The following ROBO1 variants were observed in gnomAD, a reference collection of about 807,000 sequenced individuals.
ROBO1 encodes the protein roundabout homolog 1.
Under a neutral mutation model 195.9 loss-of-function variants are expected in ROBO1, and 149 were observed. That is an observed-to-expected ratio of 0.76 (90% CI 0.67 to 0.87). ROBO1 has a LOEUF of 0.87. ROBO1 is among the 40% of genes least tolerant of loss of function. The probability of loss-of-function intolerance (pLI) is 0.00; values close to 1 mark genes in which losing one functional copy is unlikely to be tolerated. For missense variants in ROBO1, 1,933 were observed against 2,068.3 expected (o/e 0.93, Z 1.27); for synonymous variants, 816 against 733.2 (o/e 1.11, Z -1.82).
intron 4 of ROBO1, among the ~76,000 whole-genome samples, chr3:78,792,514 T>C (rs894678635): frequency 2.6e-5 from 4 of 152,126 alleles, no homozygotes; most frequent in African/African-American, 9.7e-5. Context: ...CAATAGCAAG[T>C]AGAAAGCTAT....
chr3:79,568,429 T>C (rs1227655951), intron 2 of ROBO1, among the ~76,000 whole-genome samples: 1 of 151,660 alleles, frequency 6.6e-6, no homozygotes, highest in African/African-American at 2.4e-5. Flanking sequence ...GCTTGAACTT[T>C]AATTGCAGCC....
intron 8 of ROBO1, among the ~76,000 whole-genome samples, chr3:78,689,422 TG>T (rs966148217): frequency 1.8e-4 from 28 of 152,234 alleles, no homozygotes; most frequent in African/African-American, 6.7e-4. Context: ...CCGATTTAAA[TG>T]GCTACTTCAT....
chr3:79,509,489 T>C (rs1940586994), intron 2 of ROBO1, among the ~76,000 whole-genome samples: 1 of 152,180 alleles, frequency 6.6e-6, no homozygotes, highest in Non-Finnish European at 1.5e-5. Context: ...ATCCCCTGCA[T>C]TGTCACATTC....
At chr3:79,381,114 G>A (rs571920276) in intron 2 of ROBO1, among the ~76,000 whole-genome samples, 3 of 151,948 alleles carry the variant, frequency 2.0e-5, no homozygotes, top group Admixed American at 6.6e-5. Flanking sequence ...ATCCCAGCAC[G>A]TTGGGAGGCT....
At chr3:79,129,759 C>A (rs1250873811) in intron 2 of ROBO1, among the ~76,000 whole-genome samples, 1 of 152,122 alleles carries the variant, frequency 6.6e-6, no homozygotes, top group Non-Finnish European at 1.5e-5. Flanking sequence ...GTAGTGAGAA[C>A]ACTTAAAATT....
chr3:78,617,786 G>A lies in ROBO1; in HGVS notation c.4131C>T (p.Ala1377=), dbSNP rs368322759. 12 of 1,613,932 alleles carry A rather than the reference G, an allele frequency of 7.4e-6. No homozygotes were observed. The East Asian group carries it at 2.2e-4, about 30-fold the overall frequency. The change falls in exon 27 of 31, where the codon GCC becomes GCT. Residue 1377 remains alanine, a synonymous_variant. Transcript: ENST00000464233. ...TGSMINGWGS[A]SEEDNISSGR... ...CGCTGGAAATGTTGTCCTCCTCTGAGGCTGAGCCCCAGCCGTTGATCATGG... is the reference window on the plus strand; with the variant it reads ...CGCTGGAAATGTTGTCCTCCTCTGAAGCTGAGCCCCAGCCGTTGATCATGG...
At chr3:78,899,924 G>A (rs1277979390) in intron 4 of ROBO1, among the ~76,000 whole-genome samples, 1 of 152,172 alleles carries the variant, frequency 6.6e-6, no homozygotes, top group Non-Finnish European at 1.5e-5. Context: ...TTAATGAAAT[G>A]AAATTGCTTT....
chr3:79,631,564 A>T (rs1418499909), intron 1 of ROBO1, among the ~76,000 whole-genome samples: 1 of 152,098 alleles, frequency 6.6e-6, no homozygotes, highest in African/African-American at 2.4e-5. Flanking sequence ...ACTCTTCTGG[A>T]CATGGACCCA....
At chr3:79,019,061 T>TGCGGCGACA in intron 3 of ROBO1, 3 of 989,220 alleles carry the variant, frequency 3.0e-6, no homozygotes, top group Non-Finnish European at 3.6e-6. Flanking sequence ...GAGGGGGCGG[T>TGCGGCGACA]GCGGCGACAG....
intron 1 of ROBO1, among the ~76,000 whole-genome samples, chr3:79,753,284 G>A (rs1704218594): frequency 2.1e-5 from 3 of 144,708 alleles, no homozygotes. Context: ...ACTGGATACT[G>A]GGATTTAAAA....
intron 1 of ROBO1, among the ~76,000 whole-genome samples, chr3:79,640,543 G>A (rs1175632732): frequency 1.3e-5 from 2 of 151,984 alleles, no homozygotes; most frequent in South Asian, 2.1e-4. Context: ...ACTTCAGTCC[G>A]GCTGTCAGTG....
rs1337120600 is a variant in ROBO1, at chr3:78,711,327, CCT to C, written c.1045+3068_1045+3069del. On this transcript the variant is annotated intron_variant, in intron 8 of 30. Transcript: ENST00000464233. ...TCTTTCTTTCTTTCTCTCTCTCTCT[CCT>C]TCCTTCCTTCCTTCCTTCCTCCTTC... Among the ~76,000 whole-genome samples the C allele has an allele frequency of 1.8e-3, 169 of 95,914 alleles. 3 individuals carry two copies. The highest frequency in any genetic ancestry group is 5.5e-3 in the African/African-American group (136 of 24,654). The allele number at this position is 95,914 out of a possible 152,430, so 62.9% of individuals were successfully genotyped here.
intron 2 of ROBO1, among the ~76,000 whole-genome samples, chr3:79,255,849 A>T (rs962292386): frequency 1.3e-5 from 2 of 152,120 alleles, no homozygotes; most frequent in Non-Finnish European, 2.9e-5. Context: ...ACTTCCCCAT[A>T]AGTGAGGTAA....
intron 3 of ROBO1, among the ~76,000 whole-genome samples, chr3:79,085,344 C>A (rs1288391981): frequency 6.6e-6 from 1 of 152,018 alleles, no homozygotes; most frequent in Non-Finnish European, 1.5e-5. Flanking sequence ...TATCCTAATC[C>A]ACAAAAATTT....
chr3:78,861,369 G>A (rs112342751), intron 4 of ROBO1, among the ~76,000 whole-genome samples: 190 of 152,112 alleles, frequency 1.2e-3, no homozygotes, highest in South Asian at 5.2e-3. Context: ...CTTCTAATAC[G>A]CCTTCTGCAC....
intron 3 of ROBO1, among the ~76,000 whole-genome samples, chr3:79,037,170 C>A (rs2078395418): frequency 6.6e-6 from 1 of 152,046 alleles, no homozygotes; most frequent in African/African-American, 2.4e-5. Flanking sequence ...CATTTGTTAT[C>A]CTTTGAAACA....
At chr3:79,606,250 G>A (rs956385271) in intron 1 of ROBO1, among the ~76,000 whole-genome samples, 1 of 151,774 alleles carries the variant, frequency 6.6e-6, no homozygotes, top group African/African-American at 2.4e-5. Context: ...TGTACAACAC[G>A]AGGACTATAA....
rs150995662 is a variant in ROBO1 at position 79,333,031 on chromosome 3, G to A, written c.89-207492C>T. Among the ~76,000 whole-genome samples the A allele has an allele frequency of 2.4e-3, 362 of 151,958 alleles. 4 individuals carry two copies. The highest frequency in any genetic ancestry group is 8.5e-3 in the African/African-American group (351 of 41,426). On this transcript the variant is annotated intron_variant, in intron 2 of 30. Coordinates refer to ENST00000464233, the MANE Select transcript of ROBO1 (RefSeq NM_002941.4). ...AGCCCGACCAATACGGCGAAACCCC[G>A]TCTCTGCTGAAAATACAAAAAATTA...
intron 2 of ROBO1, among the ~76,000 whole-genome samples, chr3:79,566,202 A>G (rs943667086): frequency 1.3e-5 from 2 of 152,138 alleles, no homozygotes; most frequent in African/African-American, 2.4e-5. Context: ...GATAATCACA[A>G]ACAACTTAAT....
Sources: allele counts gnomAD v4.1 joint callset (sites outside exome capture counted in the v4.1 genomes callset), GRCh38; gene constraint gnomAD v4.1.1; transcripts MANE v1.5; gene names NCBI Gene and HGNC (gene_info 2026-07-23, HGNC 2026-07-21).